Variants in MON2 observed in about 807,000 individuals in gnomAD.
MON2 encodes the protein protein MON2 homolog.
Under a neutral mutation model 208.6 loss-of-function variants are expected in MON2, and 84 were observed. That is an observed-to-expected ratio of 0.40 (90% CI 0.34 to 0.48). The LOEUF is 0.48. Among genes scored for constraint, MON2 ranks in the 20% least tolerant of loss-of-function variants. The pLI is 0.59. For missense variants in MON2, 1,611 were observed against 2,015.4 expected, an observed-to-expected ratio of 0.80 and a Z score of 3.84; for synonymous variants, 660 against 694.0, an observed-to-expected ratio of 0.95 and a Z score of 0.77.
At chr12:62,534,788 A>T in intron 12 of MON2, 57 bp from the exon 13 acceptor site, 1 of 1,256,958 alleles carries the variant, frequency 8.0e-7, no homozygotes, top group Non-Finnish European at 1.2e-6. Flanking sequence ...TCACATATTA[A>T]TACATATTGT....
intron 34 of MON2, 42 bp downstream of exon 34, chr12:62,588,198 T>C (rs1457420184): frequency 1.5e-6 from 2 of 1,327,680 alleles, no homozygotes; most frequent in Non-Finnish European, 2.1e-6. Context: ...GTAACATTTA[T>C]GTTCTATTTG....
At position 62,560,961 on chromosome 12, in the gene MON2, G is replaced by T. The variant is rs1275887079; in HGVS notation, c.3880G>T (p.Asp1294Tyr). 1.2e-6 allele frequency: 2 copies of T among 1,613,764 alleles called. No individual in the cohort carries two copies. Among genetic ancestry groups the T allele is most frequent in the East Asian group, 2.2e-5 (1 of 44,850 alleles). Residue 1294 changes from aspartate to tyrosine, a missense_variant, in exon 26 of 35, where the codon GAT becomes TAT. Coordinates refer to ENST00000393630, the MANE Select transcript of MON2 (RefSeq NM_015026.3). ...YQHIKTGFNMDDLQKLGVILH... is the reference protein window; with the variant it reads ...YQHIKTGFNMYDLQKLGVILH... ...ACACATAAAAACTGGTTTCAATATG[G>T]ATGACTTGCAAAAGTTGGGAGTCAT...
chr12:62,582,341 A>G (rs932427369), intron 32 of MON2, among the ~76,000 whole-genome samples: 1 of 152,172 alleles, frequency 6.6e-6, no homozygotes, highest in African/African-American at 2.4e-5. Flanking sequence ...CATATGACAC[A>G]TGTCTTCTCA....
intron 30 of MON2, among the ~76,000 whole-genome samples, chr12:62,571,931 T>G (rs1359843776): frequency 6.6e-6 from 1 of 152,246 alleles, no homozygotes; most frequent in African/African-American, 2.4e-5. Flanking sequence ...ATCAGTGTAT[T>G]ACCAGAATAA....
intron 5 of MON2, among the ~76,000 whole-genome samples, chr12:62,499,411 G>A (rs925697788): frequency 5.9e-5 from 9 of 151,826 alleles, no homozygotes; most frequent in Non-Finnish European, 1.2e-4. Context: ...AACTGAACTA[G>A]TCTCCTATTG....
chr12:62,539,342 A>G (rs933480091), intron 19 of MON2, among the ~76,000 whole-genome samples: 4 of 150,942 alleles, frequency 2.7e-5, no homozygotes, highest in African/African-American at 9.8e-5. Flanking sequence ...ATCTCGGGTC[A>G]CTGCTCTGCC....
In MON2 at chr12:62,484,213, GA is replaced by G; in HGVS notation, c.158del (p.Asn53ThrfsTer8). 6.3e-7 allele frequency: 1 copy of G among 1,599,284 alleles called. No individual in the cohort carries two copies. The highest frequency in any genetic ancestry group is 8.5e-7 in the Non-Finnish European group (1 of 1,173,816). ...ATAAAAGTTAAAACAATTGCTGCAC[GA>G]AACACTGAAATTTTGGCAGGTAATT... Reference protein sequence around the residue: ...GIIKVKTIAARNTEILAALKE... With the variant: ...GIIKVKTIAAXNTEILAALKE... On this transcript the variant is annotated frameshift_variant, in exon 2 of 35. Transcript: ENST00000393630. LOFTEE classifies it high-confidence loss of function.
At chr12:62,530,678 A>C (rs976544097) in intron 11 of MON2, among the ~76,000 whole-genome samples, 3 of 152,164 alleles carry the variant, frequency 2.0e-5, no homozygotes, top group African/African-American at 7.2e-5. Flanking sequence ...TTTATTATGA[A>C]TAATACTACC....
At chr12:62,528,317 T>G (rs2072445713) in intron 11 of MON2, among the ~76,000 whole-genome samples, 2 of 152,196 alleles carry the variant, frequency 1.3e-5, no homozygotes, top group Admixed American at 1.3e-4. Context: ...ACTGCTTGAG[T>G]ATAATTTGAA....
intron 11 of MON2, 123 bp from the exon 12 acceptor site, chr12:62,532,315 T>A: frequency 1.4e-6 from 1 of 713,138 alleles, no homozygotes; most frequent in East Asian, 2.7e-5. Flanking sequence ...TTTGGTAATG[T>A]CCCTTTATTT....
intron 25 of MON2, among the ~76,000 whole-genome samples, chr12:62,559,386 G>T (rs533645594): frequency 4.2e-4 from 64 of 152,228 alleles, no homozygotes; most frequent in Non-Finnish European, 7.9e-4. Flanking sequence ...GCTGGACATG[G>T]TGGCTCATGG....
At position 62,481,333 on chromosome 12, in the gene MON2, T is replaced by A. The variant is rs189366259; in HGVS notation, c.112-2837T>A. On this transcript the variant is annotated intron_variant, in intron 1 of 34. Coordinates refer to ENST00000393630, the MANE Select transcript of MON2 (RefSeq NM_015026.3). ...CGAGGTCAGGTGATGGAGACCATCCTGGCTAACATGGTGAAACCTCGTCTC... is the reference window on the plus strand; with the variant it reads ...CGAGGTCAGGTGATGGAGACCATCCAGGCTAACATGGTGAAACCTCGTCTC... 1.8e-3 allele frequency among the ~76,000 whole-genome samples: 268 copies of A among 152,230 alleles called. 1 individual carries two copies. Among genetic ancestry groups the A allele is most frequent in the African/African-American group, 6.3e-3 (260 of 41,550 alleles).
intron 20 of MON2, among the ~76,000 whole-genome samples, chr12:62,544,097 G>C (rs935831470): frequency 6.6e-6 from 1 of 152,106 alleles, no homozygotes; most frequent in African/African-American, 2.4e-5. Flanking sequence ...TTTAGGTTTA[G>C]GTTACCATAG....
At chr12:62,559,899 T>G (rs1310001694) in intron 25 of MON2, 1 of 152,156 alleles carries the variant, frequency 6.6e-6, no homozygotes, top group African/African-American at 2.4e-5. Context: ...TAAAAAAACA[T>G]GTATTATACT....
chr12:62,518,580 G>A (rs1222862353), intron 8 of MON2, among the ~76,000 whole-genome samples: 1 of 151,434 alleles, frequency 6.6e-6, no homozygotes, highest in Non-Finnish European at 1.5e-5. Context: ...TTCTTGTATT[G>A]CTTCTATAAC....
intron 29 of MON2, among the ~76,000 whole-genome samples, chr12:62,566,932 G>A (rs967566744): frequency 6.6e-6 from 1 of 152,214 alleles, no homozygotes. Flanking sequence ...ATAACCCAGT[G>A]AGGGGGTTTC....
chr12:62,498,163 A>G (rs557580229), intron 4 of MON2, among the ~76,000 whole-genome samples: 1 of 152,286 alleles, frequency 6.6e-6, no homozygotes, highest in East Asian at 1.9e-4. Flanking sequence ...AAAGGTACAA[A>G]CTACTGATAA....
intron 1 of MON2, among the ~76,000 whole-genome samples, chr12:62,474,634 G>C (rs2068970732): frequency 6.6e-6 from 1 of 151,950 alleles, no homozygotes; most frequent in Non-Finnish European, 1.5e-5. Context: ...GTGTTGGTCA[G>C]GCTGGTCTCA....
At chr12:62,480,722 G>T (rs184913687) in intron 1 of MON2, among the ~76,000 whole-genome samples, 65 of 152,266 alleles carry the variant, frequency 4.3e-4, no homozygotes, top group Non-Finnish European at 7.1e-4. Context: ...CTATCATCTA[G>T]CACGCTACAG....
Sources: gnomAD v4.1 joint callset for allele counts (sites outside exome capture counted in the v4.1 genomes callset) on GRCh38, gnomAD v4.1.1 for gene constraint, MANE v1.5 for transcripts, NCBI Gene and HGNC (gene_info 2026-07-23, HGNC 2026-07-21) for gene names.